R3HDM1: variants seen among roughly 807,000 people sequenced by gnomAD.
R3HDM1 encodes R3H domain containing 1, also known as R3H domain-containing protein 1.
R3HDM1 carries 46 observed loss-of-function variants against 141.1 expected under a neutral mutation model. The ratio of observed to expected loss-of-function variants is 0.33; its 90% CI spans 0.26 to 0.42. The LOEUF is 0.42. Ranked by LOEUF, R3HDM1 falls within the 10% of genes least tolerant of loss-of-function variation. The pLI is 1.00. For synonymous variants in R3HDM1, 435 were observed against 472.9 expected, an observed-to-expected ratio of 0.92 and a Z score of 1.04; for missense variants, 1,184 against 1,368.3, an observed-to-expected ratio of 0.87 and a Z score of 2.12.
chr2:135,617,356 G>A (rs1485515429), intron 5 of R3HDM1, among the ~76,000 whole-genome samples: 3 of 151,716 alleles, frequency 2.0e-5, no homozygotes, highest in South Asian at 2.1e-4. Flanking sequence ...TATTAAGGTA[G>A]CATTTCCAGT....
In R3HDM1 at chr2:135,722,521, C is replaced by T. The variant is rs1485044179; in HGVS notation, c.3017C>T (p.Ala1006Val). The T allele has an allele frequency of 1.4e-5, 22 of 1,613,542 alleles. No homozygotes were observed. The highest frequency in any genetic ancestry group is 5.9e-6 in the Non-Finnish European group (7 of 1,179,972). ...CGAGGAAGGAGACAAGCTAAAAAAG[C>T]TGCATCCACAGACCTTGGAGCAGGA... ...GNRGRRQAKKAASTDLGAGET... is the reference protein window; with the variant it reads ...GNRGRRQAKKVASTDLGAGET... The change falls in exon 26 of 27, where the codon GCT (alanine) becomes GTT (valine). Residue 1006 changes from alanine (A) to valine (V), a missense_variant. Transcript: ENST00000683871.
chr2:135,636,189 T>C lies in R3HDM1; in HGVS notation c.903+6T>C, dbSNP rs768511067. ...ACCGAATATTTTCCCAAGATGTACG[T>C]ACTAACTTACTTAGGTCTTCATGTT... is the stretch of plus-strand genomic sequence containing the variant. On this transcript the variant is annotated splice_donor_region_variant and intron_variant, in intron 11 of 26. Coordinates refer to ENST00000683871, the MANE Select transcript of R3HDM1 (RefSeq NM_001378107.1). The C allele has an allele frequency of 1.9e-6, 3 of 1,610,894 alleles. No individual in the cohort carries two copies. The highest frequency in any genetic ancestry group is 1.3e-5 in the African/African-American group (1 of 74,742).
intron 3 of R3HDM1, 107 bp downstream of exon 3, chr2:135,605,123 C>T: frequency 4.0e-6 from 4 of 988,348 alleles, no homozygotes; most frequent in Non-Finnish European, 5.8e-6. Context: ...GTAAGTTGAC[C>T]CTTCGTGACA....
chr2:135,645,219 A>T, intron 15 of R3HDM1, 160 bp from the exon 16 acceptor site: 1 of 596,886 alleles, frequency 1.7e-6, no homozygotes, highest in Non-Finnish European at 2.9e-6. Context: ...ATGTCAGAGC[A>T]GGCATTTCCC....
At chr2:135,709,630 T>C in intron 22 of R3HDM1, 94 bp downstream of exon 22, 1 of 1,436,272 alleles carries the variant, frequency 7.0e-7, no homozygotes, top group Non-Finnish European at 9.6e-7. Context: ...CTTCTCAATT[T>C]GTGATGTGCT....
intron 1 of R3HDM1, chr2:135,581,539 C>G: frequency 2.3e-6 from 1 of 428,546 alleles, no homozygotes; most frequent in Non-Finnish European, 3.1e-6. Context: ...CTCTCTATGA[C>G]ATGTTAAGTT....
At chr2:135,652,167 T>G in intron 18 of R3HDM1, 135 bp downstream of exon 18, 1 of 1,314,412 alleles carries the variant, frequency 7.6e-7, no homozygotes, top group South Asian at 2.3e-5. Flanking sequence ...TACTCATCTT[T>G]CCGCCTCTGG....
At chr2:135,566,654 GA>G (rs1702849362) in intron 1 of R3HDM1, 1 of 738,258 alleles carries the variant, frequency 1.4e-6, no homozygotes, top group Non-Finnish European at 1.7e-6. Context: ...TAATCTGCAT[GA>G]AAATCCAAAC....
chr2:135,635,085 C>G (rs112986336), intron 9 of R3HDM1, among the ~76,000 whole-genome samples: 1 of 152,194 alleles, frequency 6.6e-6, no homozygotes, highest in African/African-American at 2.4e-5. Flanking sequence ...TACTTTAGGT[C>G]ACAACTTTGA....
At chr2:135,643,014 T>C (rs2063968245) in intron 15 of R3HDM1, among the ~76,000 whole-genome samples, 1 of 152,182 alleles carries the variant, frequency 6.6e-6, no homozygotes, top group Non-Finnish European at 1.5e-5. Context: ...ATTCAAAACA[T>C]AATATGGTTT....
Position 135,621,930 on chromosome 2 carries a change from C to T in R3HDM1, c.418+322C>T, listed in dbSNP as rs940708249. On this transcript the variant is annotated intron_variant, in intron 6 of 26. Coordinates refer to ENST00000683871, the MANE Select transcript of R3HDM1 (RefSeq NM_001378107.1). The stretch of plus-strand genomic sequence containing the variant: ...CTAAGGATACTATCACTCTTGAATT[C>T]CTTATGGTACAAAGAGCTGATGTCA... 6.1e-6 allele frequency: 6 copies of T among 981,230 alleles called. No homozygotes were observed. In the African/African-American group the frequency reaches 1.1e-4, roughly 17 times the overall value. The allele number at this position is 981,230 out of a possible 1,614,324, so 60.8% of individuals were successfully genotyped here. A position where few individuals can be genotyped will look rare whatever the true frequency, so the allele number is the denominator to read the frequency against.
At position 135,593,882 on chromosome 2, in the gene R3HDM1, G is replaced by T. The variant is rs142543250; in HGVS notation, c.-249-8618G>T. ...TTACAGGCGCGCACCACCACACCCA[G>T]CTAATTTTTGTATTTTTAGTAGAGA... On this transcript the variant is annotated intron_variant, in intron 1 of 26. Transcript: ENST00000683871. 5.7e-3 allele frequency among the ~76,000 whole-genome samples: 872 copies of T among 152,172 alleles called. 10 individuals are homozygous for T. Among genetic ancestry groups the T allele is most frequent in the African/African-American group, 0.02 (839 of 41,512 alleles).
At chr2:135,625,753 T>C (rs1164543616) in intron 7 of R3HDM1, among the ~76,000 whole-genome samples, 1 of 152,016 alleles carries the variant, frequency 6.6e-6, no homozygotes, top group Admixed American at 6.6e-5. Flanking sequence ...ACCTACATAA[T>C]GAAGACTTCA....
intron 1 of R3HDM1, among the ~76,000 whole-genome samples, chr2:135,585,218 A>G (rs943334599): frequency 1.3e-5 from 2 of 152,122 alleles, no homozygotes; most frequent in Non-Finnish European, 2.9e-5. Flanking sequence ...TTAACAATCT[A>G]CTTCTAGGGC....
chr2:135,559,164 T>C (rs1573790135), intron 1 of R3HDM1: 1 of 526,502 alleles, frequency 1.9e-6, no homozygotes, highest in Non-Finnish European at 2.4e-6. Flanking sequence ...CAGGCTAGAG[T>C]GCAGTGGCAT....
At chr2:135,669,143 A>G (rs1039252675) in intron 19 of R3HDM1, 1 of 984,440 alleles carries the variant, frequency 1.0e-6, no homozygotes, top group Non-Finnish European at 1.2e-6. Flanking sequence ...GTATAATCTA[A>G]TTATAGTAAG....
intron 1 of R3HDM1, chr2:135,597,328 G>T (rs1021023484): frequency 5.4e-6 from 5 of 933,246 alleles, no homozygotes; most frequent in Non-Finnish European, 6.4e-6. Context: ...TGCCTTCTGT[G>T]GTTATTTGGT....
intron 1 of R3HDM1, among the ~76,000 whole-genome samples, chr2:135,532,894 C>T (rs887789387): frequency 6.6e-6 from 1 of 152,142 alleles, no homozygotes; most frequent in Admixed American, 6.5e-5. Flanking sequence ...AAGAATATGT[C>T]TTTAAATCAT....
intron 21 of R3HDM1, among the ~76,000 whole-genome samples, chr2:135,682,791 G>A (rs1297993973): frequency 6.6e-6 from 1 of 152,116 alleles, no homozygotes; most frequent in African/African-American, 2.4e-5. Flanking sequence ...GAGGTCAGGA[G>A]TTCAAGACCA....
Sources: gnomAD v4.1 joint callset for allele counts (sites outside exome capture counted in the v4.1 genomes callset) on GRCh38, gnomAD v4.1.1 for gene constraint, MANE v1.5 for transcripts, NCBI Gene and HGNC (gene_info 2026-07-23, HGNC 2026-07-21) for gene names.